Variants in TASP1 observed in about 807,000 individuals in gnomAD.
The protein encoded by TASP1 is taspase 1.
A neutral mutation model predicts 56.6 loss-of-function variants in TASP1; 16 were observed. The ratio of observed to expected loss-of-function variants is 0.28; its 90% CI spans 0.19 to 0.43. The LOEUF is 0.43. Ranked by LOEUF, TASP1 falls within the 20% of genes least tolerant of loss-of-function variation. TASP1 has a pLI of 1.00. For missense variants in TASP1, 393 were observed against 511.6 expected (o/e 0.77, Z 2.24); for synonymous variants, 179 against 184.2 (o/e 0.97, Z 0.23).
the TASP1 span, among the ~76,000 whole-genome samples, chr20:13,374,555 A>G: frequency 1.3e-5 from 2 of 151,978 alleles, no homozygotes; most frequent in Non-Finnish European, 2.9e-5. Flanking sequence ...TCACCGTGTT[A>G]GCCAGGATTG....
At chr20:13,173,630 T>C in the TASP1 span, among the ~76,000 whole-genome samples, 1 of 152,148 alleles carries the variant, frequency 6.6e-6, no homozygotes, top group East Asian at 1.9e-4. Flanking sequence ...GCATGCTAAG[T>C]CTGGCCCATA....
At chr20:13,123,581 T>C in the TASP1 span, among the ~76,000 whole-genome samples, 4 of 152,186 alleles carry the variant, frequency 2.6e-5, no homozygotes, top group Non-Finnish European at 4.4e-5. Context: ...GAGGCTGCAC[T>C]GTAACTCCTG....
intron 10 of TASP1, among the ~76,000 whole-genome samples, chr20:13,490,490 C>T (rs1284914634): frequency 6.6e-6 from 1 of 152,098 alleles, no homozygotes; most frequent in Non-Finnish European, 1.5e-5. Flanking sequence ...CATCTAAATC[C>T]TTCCAACAAT....
At chr20:13,434,610 G>T (rs1224398766) in intron 12 of TASP1, among the ~76,000 whole-genome samples, 1 of 152,170 alleles carries the variant, frequency 6.6e-6, no homozygotes, top group Non-Finnish European at 1.5e-5. Flanking sequence ...AGGTGTCATG[G>T]TTAACGAGCC....
At chr20:13,496,350 C>A (rs1159601446) in intron 10 of TASP1, among the ~76,000 whole-genome samples, 1 of 152,086 alleles carries the variant, frequency 6.6e-6, no homozygotes, top group African/African-American at 2.4e-5. Flanking sequence ...CCACTGCGCC[C>A]GGTCTGATTT....
chr20:13,154,261 G>A, the TASP1 span: 50 of 1,282,390 alleles, frequency 3.9e-5, no homozygotes, highest in Middle Eastern at 2.0e-4. Context: ...TCACTCGTAC[G>A]GCTTCTCGGA....
At chr20:13,143,600 A>G in the TASP1 span, among the ~76,000 whole-genome samples, 1 of 152,202 alleles carries the variant, frequency 6.6e-6, no homozygotes, top group Non-Finnish European at 1.5e-5. Context: ...CCTGGGCACA[A>G]GGCAAAAGTC....
intron 11 of TASP1, among the ~76,000 whole-genome samples, chr20:13,448,748 GTCAGTTCTTACTCTGCTA>G (rs753908092): frequency 2.0e-5 from 3 of 151,958 alleles, no homozygotes; most frequent in Admixed American, 6.6e-5. Context: ...TTTTTTCACA[GTCAGTTCTTACTCTGCTA>G]TCTATTTTAT....
chr20:13,546,408 A>C (rs117640582), intron 8 of TASP1, among the ~76,000 whole-genome samples: 2,051 of 152,332 alleles, frequency 0.013, 24 homozygotes, highest in Non-Finnish European at 0.018. Context: ...TCTTCACAGA[A>C]AAGACAACAA....
intron 8 of TASP1, among the ~76,000 whole-genome samples, chr20:13,551,058 A>G (rs2045967348): frequency 6.6e-6 from 1 of 152,174 alleles, no homozygotes; most frequent in Admixed American, 6.5e-5. Flanking sequence ...GAAGGGTACA[A>G]AGCAAGGCCC....
the TASP1 span, among the ~76,000 whole-genome samples, chr20:13,310,486 G>GA: frequency 0.18 from 26,654 of 151,852 alleles, 2,525 homozygotes; most frequent in Admixed American, 0.27. Context: ...AAGGAAACAG[G>GA]AAAAAAAATG....
chr20:13,333,884 C>G, the TASP1 span, among the ~76,000 whole-genome samples: 3 of 152,156 alleles, frequency 2.0e-5, no homozygotes, highest in African/African-American at 7.2e-5. Flanking sequence ...TATGATACTT[C>G]CAACTGGATT....
At chr20:13,149,208 T>C in the TASP1 span, among the ~76,000 whole-genome samples, 1 of 152,336 alleles carries the variant, frequency 6.6e-6, no homozygotes, top group African/African-American at 2.4e-5. Context: ...TTCTGTGTAA[T>C]ATGTAGAAGA....
intron 8 of TASP1, among the ~76,000 whole-genome samples, chr20:13,546,964 A>G (rs2146981206): frequency 6.6e-6 from 1 of 152,328 alleles, no homozygotes; most frequent in South Asian, 2.1e-4. Context: ...TGCATGTTTG[A>G]AGCCCTTAAA....
intron 7 of TASP1, among the ~76,000 whole-genome samples, chr20:13,564,185 C>T (rs1254965178): frequency 6.6e-6 from 1 of 151,988 alleles, no homozygotes; most frequent in Non-Finnish European, 1.5e-5. Context: ...GATCTCCAAC[C>T]CCGTCCCCCA....
the TASP1 span, among the ~76,000 whole-genome samples, chr20:13,260,470 G>T: frequency 6.6e-6 from 1 of 152,212 alleles, no homozygotes; most frequent in Non-Finnish European, 1.5e-5. Flanking sequence ...CAGGTAGAAG[G>T]ATAGAGAGAA....
intron 13 of TASP1, among the ~76,000 whole-genome samples, chr20:13,408,422 A>G (rs2041995868): frequency 1.3e-5 from 2 of 152,146 alleles, no homozygotes; most frequent in Admixed American, 6.5e-5. Flanking sequence ...CTTATTAAGC[A>G]TCTCCGCATA....
At position 13,435,169 on chromosome 20, in the gene TASP1, C is replaced by T; in HGVS notation, c.986-15G>A. The T allele has an allele frequency of 6.5e-7, 1 of 1,537,066 alleles. No individual in the cohort carries two copies. Among genetic ancestry groups the T allele is most frequent in the Non-Finnish European group, 8.8e-7 (1 of 1,136,462 alleles). ...GAAAGGTGAACCTAGGCAGAAAGGACTAGTAGTTATTTTTCAGTGAATTTT... is the reference window on the plus strand; with the variant it reads ...GAAAGGTGAACCTAGGCAGAAAGGATTAGTAGTTATTTTTCAGTGAATTTT... On this transcript the variant is annotated splice_polypyrimidine_tract_variant and intron_variant, in intron 11 of 13. Transcript: ENST00000337743.
the TASP1 span, among the ~76,000 whole-genome samples, chr20:13,178,947 T>A: frequency 1.4e-4 from 21 of 152,098 alleles, no homozygotes; most frequent in Non-Finnish European, 2.5e-4. Context: ...CACAAAGAAA[T>A]GATATGTATT....
Sources: gnomAD v4.1 joint callset for allele counts (sites outside exome capture counted in the v4.1 genomes callset) on GRCh38, gnomAD v4.1.1 for gene constraint, MANE v1.5 for transcripts, NCBI Gene and HGNC (gene_info 2026-07-23, HGNC 2026-07-21) for gene names.